The following SNX29 variants were observed in gnomAD, a reference collection of about 807,000 sequenced individuals.
SNX29 encodes sorting nexin 29, also known as sorting nexin-29.
Under a neutral mutation model 102.1 loss-of-function variants are expected in SNX29, and 78 were observed. The observed-to-expected ratio is 0.76, with a 90% CI of 0.64 to 0.92. The LOEUF (loss-of-function observed/expected upper bound fraction) is 0.92. Ranked by LOEUF, SNX29 falls within the 40% of genes least tolerant of loss-of-function variation. The probability of loss-of-function intolerance (pLI) is 0.00; values close to 1 mark genes in which losing one functional copy is unlikely to be tolerated. For missense variants in SNX29, 1,280 were observed against 1,061.7 expected (o/e 1.21, Z -2.86); for synonymous variants, 580 against 414.5 (o/e 1.40, Z -4.85).
intron 15 of SNX29, among the ~76,000 whole-genome samples, chr16:12,338,034 C>T (rs1437296768): frequency 1.3e-5 from 2 of 152,142 alleles, no homozygotes; most frequent in Admixed American, 1.3e-4. Flanking sequence ...GAGGAAGCAC[C>T]TGCATTTGGA....
chr16:12,168,596 G>A (rs965491155), intron 13 of SNX29, among the ~76,000 whole-genome samples: 2 of 152,158 alleles, frequency 1.3e-5, no homozygotes, highest in Non-Finnish European at 2.9e-5. Context: ...TGCCTTGGCC[G>A]TAGCACAGGG....
At chr16:12,557,029 CCA>C (rs2078411556) in intron 20 of SNX29, among the ~76,000 whole-genome samples, 1 of 126,622 alleles carries the variant, frequency 7.9e-6, no homozygotes, top group Non-Finnish European at 1.7e-5. Context: ...CCCCCCCGCC[CCA>C]AGATGAGGTC....
At chr16:12,065,412 T>G (rs1275472142) in intron 9 of SNX29, among the ~76,000 whole-genome samples, 1 of 152,222 alleles carries the variant, frequency 6.6e-6, no homozygotes, top group Non-Finnish European at 1.5e-5. Context: ...TGACTGCTCA[T>G]CCCTTCATTG....
chr16:12,310,779 G>A (rs960880282), intron 15 of SNX29, among the ~76,000 whole-genome samples: 6 of 152,126 alleles, frequency 3.9e-5, no homozygotes, highest in African/African-American at 1.4e-4. Context: ...TCTGCTGTCT[G>A]CTGGTTAAAC....
intron 14 of SNX29, among the ~76,000 whole-genome samples, chr16:12,245,059 A>AGGGGGGCGG (rs2078220543): frequency 6.6e-6 from 1 of 152,234 alleles, no homozygotes; most frequent in African/African-American, 2.4e-5. Flanking sequence ...TTACAGTGAT[A>AGGGGGGCGG]GAAAACATTG....
At chr16:12,220,331 G>A (rs2142105512) in intron 14 of SNX29, among the ~76,000 whole-genome samples, 1 of 141,262 alleles carries the variant, frequency 7.1e-6, no homozygotes, top group East Asian at 2.0e-4. Context: ...AGGAAGGGAG[G>A]GAGGGAGGGA....
chr16:12,008,803 G>A (rs993254400), intron 3 of SNX29, among the ~76,000 whole-genome samples: 8 of 150,446 alleles, frequency 5.3e-5, no homozygotes, highest in African/African-American at 9.8e-5. Context: ...GTACAGTGGC[G>A]CAATCTCAGT....
At chr16:12,418,163 T>G (rs529678076) in intron 18 of SNX29, among the ~76,000 whole-genome samples, 1 of 152,228 alleles carries the variant, frequency 6.6e-6, no homozygotes, top group Admixed American at 6.5e-5. Flanking sequence ...CAATTATTGT[T>G]GTAGTACAGA....
intron 20 of SNX29, among the ~76,000 whole-genome samples, chr16:12,553,375 C>G (rs997812919): frequency 6.6e-6 from 1 of 152,196 alleles, no homozygotes; most frequent in African/African-American, 2.4e-5. Flanking sequence ...GCCAGACATG[C>G]TCTCAAGTTG....
chr16:12,543,483 C>T (rs898006523), intron 20 of SNX29, among the ~76,000 whole-genome samples: 1 of 152,186 alleles, frequency 6.6e-6, no homozygotes, highest in Non-Finnish European at 1.5e-5. Context: ...TCAGTAAAGC[C>T]ACAGCCACCT....
intron 14 of SNX29, among the ~76,000 whole-genome samples, chr16:12,236,426 T>TACTTGGTTTTAA (rs2077934811): frequency 6.6e-6 from 1 of 152,200 alleles, no homozygotes; most frequent in Admixed American, 6.5e-5. Context: ...ACCACAGCAA[T>TACTTGGTTTTAA]GCTGAACTAC....
chr16:12,513,278 C>T (rs932933728), intron 19 of SNX29, among the ~76,000 whole-genome samples: 3 of 149,210 alleles, frequency 2.0e-5, no homozygotes, highest in African/African-American at 7.4e-5. Context: ...CCTAGTGCTC[C>T]CTCCCCAGCC....
chr16:12,027,036 C>T (rs2057211983), intron 3 of SNX29, among the ~76,000 whole-genome samples: 1 of 152,326 alleles, frequency 6.6e-6, no homozygotes, highest in South Asian at 2.1e-4. Context: ...CGCCAGCTGG[C>T]ACCCGTCCCT....
chr16:12,200,455 A>G (rs1452944579), intron 14 of SNX29, among the ~76,000 whole-genome samples: 1 of 150,916 alleles, frequency 6.6e-6, no homozygotes, highest in Non-Finnish European at 1.5e-5. Context: ...GGACATTTTA[A>G]CAAACAGTGG....
intron 13 of SNX29, among the ~76,000 whole-genome samples, chr16:12,181,951 T>C (rs1203540608): frequency 6.6e-6 from 1 of 151,676 alleles, no homozygotes. Flanking sequence ...TGGCACGATC[T>C]CAGCTCAATG....
At chr16:12,201,533 C>CA (rs540109114) in intron 14 of SNX29, among the ~76,000 whole-genome samples, 43 of 152,190 alleles carry the variant, frequency 2.8e-4, no homozygotes, top group Non-Finnish European at 5.6e-4. Flanking sequence ...GAAATGAACT[C>CA]ACGCATTTTT....
chr16:12,545,661 C>G (rs531901012), intron 20 of SNX29: 1 of 152,348 alleles, frequency 6.6e-6, no homozygotes, highest in African/African-American at 2.4e-5. Flanking sequence ...ATGGCCCTTC[C>G]CAGCTTCTAG....
chr16:12,392,658 C>A (rs1274365704), intron 16 of SNX29, among the ~76,000 whole-genome samples: 10 of 152,140 alleles, frequency 6.6e-5, no homozygotes, highest in Admixed American at 6.5e-4. Context: ...TTCAGTGCTG[C>A]CCAGAGGATA....
chr16:12,567,153 C>T (rs1398486095), intron 20 of SNX29, among the ~76,000 whole-genome samples: 2 of 152,212 alleles, frequency 1.3e-5, no homozygotes, highest in Non-Finnish European at 1.5e-5. Flanking sequence ...GGCTTGGATA[C>T]AGCTGGGGGT....
Sources: gnomAD v4.1 joint callset for allele counts (sites outside exome capture counted in the v4.1 genomes callset) on GRCh38, gnomAD v4.1.1 for gene constraint, MANE v1.5 for transcripts, NCBI Gene and HGNC (gene_info 2026-07-23, HGNC 2026-07-21) for gene names.